BOLA3: variants seen among roughly 807,000 people sequenced by gnomAD.
BOLA3 encodes bolA family member 3, also known as bolA-like protein 3.
In BOLA3, 8 loss-of-function variants were observed where a neutral mutation model predicts 14.5. The ratio of observed to expected loss-of-function variants is 0.55; its 90% CI spans 0.32 to 0.99. The LOEUF (loss-of-function observed/expected upper bound fraction) is 0.99. Ranked by LOEUF, BOLA3 falls within the 50% of genes least tolerant of loss-of-function variation. The probability of loss-of-function intolerance (pLI) is 0.04; values close to 1 mark genes in which losing one functional copy is unlikely to be tolerated. For synonymous variants in BOLA3, 42 were observed against 45.7 expected (o/e 0.92, Z 0.33); for missense variants, 115 against 138.2 (o/e 0.83, Z 0.84).
At chr2:74,142,542 G>A (rs1208060831) in intron 2 of BOLA3, among the ~76,000 whole-genome samples, 182 bp from the exon 3 acceptor site, 1 of 152,132 alleles carries the variant, frequency 6.6e-6, no homozygotes, top group Admixed American at 6.5e-5. Flanking sequence ...CCTCCTGACA[G>A]GCTGCCACAA....
At chr2:74,137,090 A>T (rs1381088545) in intron 3 of BOLA3, among the ~76,000 whole-genome samples, 1 of 152,102 alleles carries the variant, frequency 6.6e-6, no homozygotes, top group Non-Finnish European at 1.5e-5. Flanking sequence ...CTCTTTAGTG[A>T]TCTCCTTCTC....
chr2:74,136,400 G>A (rs1042843201), intron 3 of BOLA3, among the ~76,000 whole-genome samples: 2 of 152,198 alleles, frequency 1.3e-5, no homozygotes, highest in Non-Finnish European at 2.9e-5. Flanking sequence ...GCCCATGACA[G>A]CTTTGAATGT....
chr2:74,145,799 C>T (rs1692532557), intron 1 of BOLA3: 1 of 176,136 alleles, frequency 5.7e-6, no homozygotes, highest in Non-Finnish European at 1.2e-5. Flanking sequence ...ACATGTCTCG[C>T]CCTCCCCAGT....
chr2:74,144,005 ATTTT>A (rs3045553), intron 2 of BOLA3, among the ~76,000 whole-genome samples: 1 of 115,588 alleles, frequency 8.7e-6, no homozygotes. Flanking sequence ...GCCCCAGCAG[ATTTT>A]TTTTTTTTTT....
chr2:74,147,747 G>A (rs1572945739), intron 1 of BOLA3, 74 bp downstream of exon 1: 1 of 1,479,878 alleles, frequency 6.8e-7, no homozygotes, highest in East Asian at 2.5e-5. Flanking sequence ...CTCAAGCCCC[G>A]ACAGCCGCCG....
At chr2:74,145,408 C>T (rs1431153897) in intron 1 of BOLA3, 105 bp from the exon 2 acceptor site, 1 of 773,842 alleles carries the variant, frequency 1.3e-6, no homozygotes, top group East Asian at 2.5e-5. Context: ...AGGCAGGCCC[C>T]TGAGCCCTCG....
At chr2:74,140,580 G>T (rs941331383) in intron 3 of BOLA3, among the ~76,000 whole-genome samples, 3 of 152,164 alleles carry the variant, frequency 2.0e-5, no homozygotes, top group Non-Finnish European at 4.4e-5. Flanking sequence ...TGTGAGGAGA[G>T]GCACATGTTG....
intron 2 of BOLA3, 85 bp downstream of exon 2, chr2:74,145,104 C>G (rs555103023): frequency 1.2e-6 from 1 of 805,522 alleles, no homozygotes; most frequent in African/African-American, 1.7e-5. Flanking sequence ...AGCAGCAAGC[C>G]CCCTCCTCCA....
rs149992529 is a variant in BOLA3, at chr2:74,144,406, A to G, written c.169+783T>C. ...TCCTTGGAAATGTTATGTTCTCAGT[A>G]AAGTCAGTGAGCCCTCATGGCAATG... On this transcript the variant is annotated intron_variant, in intron 2 of 3. Coordinates refer to ENST00000327428, the MANE Select transcript of BOLA3 (RefSeq NM_212552.3). 9.4e-3 allele frequency among the ~76,000 whole-genome samples: 1,430 copies of G among 152,372 alleles called. 17 individuals carry two copies. The highest frequency in any genetic ancestry group is 0.048 in the Middle Eastern group (14 of 294).
At chr2:74,147,769 C>T (rs1692574378) in intron 1 of BOLA3, 52 bp downstream of exon 1, 1 of 1,523,582 alleles carries the variant, frequency 6.6e-7, no homozygotes, top group Non-Finnish European at 8.8e-7. Context: ...CCCCGCGGTC[C>T]CTCCGCAGCT....
chr2:74,138,654 T>G (rs1692380082), intron 3 of BOLA3, among the ~76,000 whole-genome samples: 1 of 152,214 alleles, frequency 6.6e-6, no homozygotes, highest in African/African-American at 2.4e-5. Context: ...AAGACTGGAC[T>G]GGATTCTGGG....
rs527612744 is a variant in BOLA3, at chr2:74,141,417, G to A, written c.258+855C>T. Among the ~76,000 whole-genome samples, 281 of 152,248 alleles carry A rather than the reference G, an allele frequency of 1.8e-3. 3 individuals are homozygous for A. Among genetic ancestry groups the A allele is most frequent in the African/African-American group, 6.1e-3 (254 of 41,548 alleles). ...AACGGCATTCATTCCCTGCTGGGGA[G>A]GGAGGGGAGGCAGCATTTGAGCTGA... On this transcript the variant is annotated intron_variant, in intron 3 of 3. Coordinates refer to ENST00000327428, the MANE Select transcript of BOLA3 (RefSeq NM_212552.3).
chr2:74,135,630 T>C lies in BOLA3; in HGVS notation c.287A>G (p.His96Arg), dbSNP rs148674363. The C allele has an allele frequency of 9.9e-6, 16 of 1,614,024 alleles. No individual in the cohort carries two copies. In the East Asian group the frequency reaches 3.3e-4, roughly 34 times the overall value. The change falls in exon 4 of 4, where the codon CAT becomes CGT. Residue 96 changes from histidine to arginine, a missense_variant. His to Arg is a conservative substitution (Grantham distance 29, BLOSUM62 0). Transcript: ENST00000327428. ...QALKEEIKEM[H>R]GLRIFTSVPK... ...GACAGAGGTAAATATCCGCAATCCA[T>C]GCATCTCTTTGATTTCTTCTTTTAG...
At chr2:74,139,225 G>A (rs573681632) in intron 3 of BOLA3, among the ~76,000 whole-genome samples, 3 of 152,278 alleles carry the variant, frequency 2.0e-5, no homozygotes, top group African/African-American at 4.8e-5. Context: ...TGGGTTGGGC[G>A]ACCTTTTCAG....
chr2:74,147,844 G>A lies in BOLA3; in HGVS notation c.31C>T (p.Pro11Ser). Residue 11 changes from proline to serine, a missense_variant, in exon 1 of 4, where the codon CCT (proline) becomes TCT (serine). Pro to Ser is a moderately conservative substitution (Grantham distance 74). Coordinates refer to ENST00000327428, the MANE Select transcript of BOLA3 (RefSeq NM_212552.3). ...ACCCCGCGGATCCCGCGGAGGAGAG[G>A]CGCTGCCGCGGCCGGGCTCCATGCA... The part of the protein sequence containing the change: MAAWSPAAAA[P>S]LLRGIRGLPL... The A allele has an allele frequency of 6.6e-7, 1 of 1,525,664 alleles. No individual in the cohort carries two copies. Among genetic ancestry groups the A allele is most frequent in the Non-Finnish European group, 8.7e-7 (1 of 1,143,444 alleles). 94.5% of individuals were successfully genotyped at this position (1,525,664 alleles called of 1,614,324 possible). A position where few individuals can be genotyped will look rare whatever the true frequency, so the allele number is the denominator to read the frequency against.
intron 3 of BOLA3, among the ~76,000 whole-genome samples, chr2:74,140,787 C>T (rs928141401): frequency 6.6e-6 from 1 of 152,186 alleles, no homozygotes; most frequent in African/African-American, 2.4e-5. Flanking sequence ...TCAACGTGTA[C>T]TTTATCACGA....
chr2:74,140,326 G>A (rs1405537556), intron 3 of BOLA3, among the ~76,000 whole-genome samples: 1 of 152,158 alleles, frequency 6.6e-6, no homozygotes, highest in Non-Finnish European at 1.5e-5. Flanking sequence ...GTGCCCCAAT[G>A]TCAGGATGTG....
intron 3 of BOLA3, among the ~76,000 whole-genome samples, chr2:74,136,823 G>C (rs992796197): frequency 3.3e-5 from 5 of 152,180 alleles, no homozygotes; most frequent in African/African-American, 1.2e-4. Context: ...CCAATGGTCA[G>C]AGCAGGAAAT....
At position 74,145,173 on chromosome 2, in the gene BOLA3, G is replaced by C. The variant is rs775438064; in HGVS notation, c.169+16C>G. 26 of 1,413,164 alleles carry C rather than the reference G, an allele frequency of 1.8e-5. No homozygotes were observed. The highest frequency in any genetic ancestry group is 2.6e-5 in the Non-Finnish European group (26 of 997,236). 87.5% of individuals were successfully genotyped at this position (1,413,164 alleles called of 1,614,324 possible). A position where few individuals can be genotyped will look rare whatever the true frequency, so the allele number is the denominator to read the frequency against. ...ATCTTATCCAAGCGCCGTAGGAAGAGTGAGAGAAACCTTACCTGAAATGTC... is the reference window on the plus strand; with the variant it reads ...ATCTTATCCAAGCGCCGTAGGAAGACTGAGAGAAACCTTACCTGAAATGTC... On this transcript the variant is annotated intron_variant, in intron 2 of 3. Coordinates refer to ENST00000327428, the MANE Select transcript of BOLA3 (RefSeq NM_212552.3).
Sources: allele counts gnomAD v4.1 joint callset (sites outside exome capture counted in the v4.1 genomes callset), GRCh38; gene constraint gnomAD v4.1.1; transcripts MANE v1.5; gene names NCBI Gene and HGNC (gene_info 2026-07-23, HGNC 2026-07-21).